The following CRKL variants were observed in gnomAD, a reference collection of about 807,000 sequenced individuals.
CRKL encodes crk-like protein.
In CRKL, 3 loss-of-function variants were observed where a neutral mutation model predicts 23.0. The ratio of observed to expected loss-of-function variants is 0.13; its 90% CI spans 0.06 to 0.34. CRKL has a LOEUF of 0.34. Ranked by LOEUF, CRKL falls within the 10% of genes least tolerant of loss-of-function variation. The probability of loss-of-function intolerance (pLI) is 1.00; values close to 1 mark genes in which losing one functional copy is unlikely to be tolerated. For synonymous variants in CRKL, 188 were observed against 160.7 expected (o/e 1.17, Z -1.28); for missense variants, 256 against 394.5 (o/e 0.65, Z 2.97).
In CRKL at chr22:20,949,835, A is replaced by G. The variant is rs1004094172; in HGVS notation, c.902A>G (p.Glu301Gly). 2 of 1,607,894 alleles carry G rather than the reference A, an allele frequency of 1.2e-6. No individual in the cohort carries two copies. The highest frequency in any genetic ancestry group is 1.7e-6 in the Non-Finnish European group (2 of 1,177,728). ...VKIFDPQNPD[E>G]NE ...ATCTTTGACCCTCAAAACCCAGATG[A>G]AAACGAGTGATTGCTGTTGCCCTGT... The change falls in exon 3 of 3, where the codon GAA (glutamate) becomes GGA (glycine). Residue 301 changes from glutamate to glycine, a missense_variant. Physicochemically the swap from Glu to Gly is moderately conservative, Grantham distance 98 (BLOSUM62 -2). Around this residue, in one of 3 missense-constraint regions of CRKL, gnomAD observed 129 missense variants for 222.1 expected, o/e 0.58. Transcript: ENST00000354336.
intron 1 of CRKL, among the ~76,000 whole-genome samples, chr22:20,928,196 C>A (rs1357170116): frequency 2.6e-5 from 4 of 151,392 alleles, no homozygotes; most frequent in Non-Finnish European, 2.9e-5. Context: ...GTGGCATGCA[C>A]CTGTAGTCCC....
rs147634318 is a variant in CRKL at position 20,943,523 on chromosome 22, C to T, written c.778-6188C>T. Among the ~76,000 whole-genome samples, 70 of 152,232 alleles carry T rather than the reference C, an allele frequency of 4.6e-4. No homozygotes were observed. In the Middle Eastern group the frequency reaches 0.01, roughly 22 times the overall value. ...CCAAAGTGCCAGGATTACAGGCGTGCGCCACCATGCCTGACCTTAGTTATT... is the reference window on the plus strand; with the variant it reads ...CCAAAGTGCCAGGATTACAGGCGTGTGCCACCATGCCTGACCTTAGTTATT... On this transcript the variant is annotated intron_variant, in intron 2 of 2. Transcript: ENST00000354336.
At position 20,952,535 on chromosome 22, in the gene CRKL, A is replaced by G. The variant is rs914565896; in HGVS notation, c.*2690A>G. The stretch of plus-strand genomic sequence containing the variant: ...GAGGCAGGGATACTCTGTTTTTCAC[A>G]CTAAACATATGAATGCAGCACTGCT... On this transcript the variant is annotated 3_prime_UTR_variant, in exon 3 of 3. Transcript: ENST00000354336. 1.3e-5 allele frequency: 3 copies of G among 231,892 alleles called. No individual in the cohort carries two copies. Among genetic ancestry groups the G allele is most frequent in the African/African-American group, 6.6e-5 (3 of 45,234 alleles). The allele number at this position is 231,892 out of a possible 1,614,324, so 14.4% of individuals were successfully genotyped here.
At position 20,950,560 on chromosome 22, in the gene CRKL, C is replaced by T. The variant is rs1239208163; in HGVS notation, c.*715C>T. 9 of 222,164 alleles carry T rather than the reference C, an allele frequency of 4.1e-5. No individual in the cohort carries two copies. Among genetic ancestry groups the T allele is most frequent in the Non-Finnish European group, 5.4e-5 (6 of 111,312 alleles). The allele number at this position is 222,164 out of a possible 1,614,324, so 13.8% of individuals were successfully genotyped here. On this transcript the variant is annotated 3_prime_UTR_variant, in exon 3 of 3. Coordinates refer to ENST00000354336, the MANE Select transcript of CRKL (RefSeq NM_005207.4). The stretch of plus-strand genomic sequence containing the variant: ...TCCCAAGTAGCTGGGACTGCAGGCG[C>T]GCACACCACGCCCAGCTAATTTTTG...
At position 20,934,214 on chromosome 22, in the gene CRKL, T is replaced by C. The variant is rs976259902; in HGVS notation, c.747T>C (p.Cys249=). Reference sequence around the variant, plus strand: ...AAGCAATCCAGAAAAGAGTACCCTGTGCTTATGACAAGACTGCCTTGGCAT... The same window carrying C: ...AAGCAATCCAGAAAAGAGTACCCTGCGCTTATGACAAGACTGCCTTGGCAT... ...FAKAIQKRVP[C]AYDKTALALE... The change falls in exon 2 of 3, where the codon TGT becomes TGC. Residue 249 remains cysteine (C), a synonymous_variant. Transcript: ENST00000354336. The C allele has an allele frequency of 6.2e-7, 1 of 1,613,866 alleles. No homozygotes were observed. Among genetic ancestry groups the C allele is most frequent in the Non-Finnish European group, 8.5e-7 (1 of 1,179,746 alleles).
chr22:20,940,128 A>C (rs1185135330), intron 2 of CRKL, among the ~76,000 whole-genome samples: 1 of 152,140 alleles, frequency 6.6e-6, no homozygotes, highest in African/African-American at 2.4e-5. Context: ...CATCTAGCAT[A>C]TTCATTACCC....
intron 2 of CRKL, among the ~76,000 whole-genome samples, chr22:20,949,137 T>G (rs927360236): frequency 6.6e-6 from 1 of 152,076 alleles, no homozygotes; most frequent in Non-Finnish European, 1.5e-5. Context: ...TTGATTTTTG[T>G]TTTTTTGAGA....
chr22:20,924,630 G>T (rs1403174303), intron 1 of CRKL, among the ~76,000 whole-genome samples: 3 of 152,050 alleles, frequency 2.0e-5, no homozygotes, highest in African/African-American at 7.2e-5. Context: ...CAAGGTGGGT[G>T]GATTGCCTGA....
intron 2 of CRKL, among the ~76,000 whole-genome samples, chr22:20,946,217 G>A (rs1292866516): frequency 6.6e-6 from 1 of 152,190 alleles, no homozygotes; most frequent in Non-Finnish European, 1.5e-5. Context: ...GACGACCAGT[G>A]CTTGGGCCCT....
intron 2 of CRKL, among the ~76,000 whole-genome samples, chr22:20,945,278 C>T (rs1922018453): frequency 6.6e-6 from 1 of 152,180 alleles, no homozygotes; most frequent in Non-Finnish European, 1.5e-5. Context: ...CAGGCATGAG[C>T]CACCGCACCC....
At chr22:20,933,298 A>G (rs991810059) in intron 1 of CRKL, among the ~76,000 whole-genome samples, 1 of 151,674 alleles carries the variant, frequency 6.6e-6, no homozygotes, top group African/African-American at 2.4e-5. Context: ...TGAACTTGGG[A>G]TGCAGAGGTT....
intron 2 of CRKL, among the ~76,000 whole-genome samples, chr22:20,947,028 G>A (rs1422576968): frequency 6.6e-6 from 1 of 152,144 alleles, no homozygotes; most frequent in Admixed American, 6.5e-5. Flanking sequence ...TTAGCATGTG[G>A]AAACTCCTGC....
intron 2 of CRKL, among the ~76,000 whole-genome samples, chr22:20,943,302 C>T (rs545014220): frequency 6.6e-6 from 1 of 152,222 alleles, no homozygotes; most frequent in East Asian, 1.9e-4. Context: ...ATGGCACTCA[C>T]GATCTCGACT....
chr22:20,933,504 TA>T (rs1013491995), intron 1 of CRKL, among the ~76,000 whole-genome samples: 8 of 151,476 alleles, frequency 5.3e-5, no homozygotes, highest in Non-Finnish European at 8.8e-5. Context: ...CCTTCTCTAC[TA>T]AAAATAAAAA....
chr22:20,927,768 G>A (rs932200501), intron 1 of CRKL, among the ~76,000 whole-genome samples: 7 of 149,156 alleles, frequency 4.7e-5, no homozygotes, highest in African/African-American at 1.5e-4. Context: ...GTTTGAACCC[G>A]GGAGGTGGAG....
At chr22:20,927,128 A>AG (rs1555918903) in intron 1 of CRKL, among the ~76,000 whole-genome samples, 5 of 125,820 alleles carry the variant, frequency 4.0e-5, no homozygotes, top group Middle Eastern at 3.8e-3. Flanking sequence ...AAAAAAAAAA[A>AG]AAAAAAAAGA....
chr22:20,944,139 C>CTTTTTTTTTTTTTTT (rs57177824), intron 2 of CRKL, among the ~76,000 whole-genome samples: 17 of 105,832 alleles, frequency 1.6e-4, no homozygotes, highest in Non-Finnish European at 2.2e-4. Context: ...GTAGTATTAG[C>CTTTTTTTTTTTTTTT]TTTTTTTTTT....
intron 1 of CRKL, among the ~76,000 whole-genome samples, chr22:20,919,561 ATTG>A (rs1929809642): frequency 6.6e-6 from 1 of 152,114 alleles, no homozygotes; most frequent in Non-Finnish European, 1.5e-5. Flanking sequence ...ATTTGCTTTT[ATTG>A]TTGTGTTTGC....
rs1334805970 is a variant in CRKL at position 20,918,093 on chromosome 22, C to G, written c.159C>G (p.Ser53=). ...TCPGDYVLSV[S]ENSRVSHYII... is the part of the protein sequence containing the mutation. The stretch of plus-strand genomic sequence containing the variant: ...CTGGGGACTATGTGCTGTCGGTGTC[C>G]GAGAACTCGCGGGTCTCCCACTACA... The change falls in exon 1 of 3, where the codon TCC becomes TCG. Residue 53 remains serine (S), a synonymous_variant. Transcript: ENST00000354336. 6.2e-7 allele frequency: 1 copy of G among 1,614,212 alleles called. No individual in the cohort carries two copies. The highest frequency in any genetic ancestry group is 8.5e-7 in the Non-Finnish European group (1 of 1,180,048).
Sources: allele counts gnomAD v4.1 joint callset (sites outside exome capture counted in the v4.1 genomes callset), GRCh38; gene constraint gnomAD v4.1.1; regional missense constraint gnomAD v4.1.1; transcripts MANE v1.5; gene names NCBI Gene and HGNC (gene_info 2026-07-23, HGNC 2026-07-21).